The following BAIAP2 variants were observed in gnomAD, a reference collection of about 807,000 sequenced individuals.
The protein encoded by BAIAP2 is BAR/IMD domain containing adaptor protein 2.
BAIAP2 carries 18 observed loss-of-function variants against 63.0 expected under a neutral mutation model. The observed-to-expected ratio is 0.29, with a 90% CI of 0.20 to 0.42. The LOEUF is 0.42. Among genes scored for constraint, BAIAP2 ranks in the 10% least tolerant of loss-of-function variants. BAIAP2 has a pLI of 1.00. For missense variants in BAIAP2, 610 were observed against 734.3 expected, an observed-to-expected ratio of 0.83 and a Z score of 1.96; for synonymous variants, 386 against 307.6, an observed-to-expected ratio of 1.25 and a Z score of -2.67.
chr17:81,071,438 G>C (rs1346237665), intron 3 of BAIAP2, among the ~76,000 whole-genome samples: 1 of 152,230 alleles, frequency 6.6e-6, no homozygotes, highest in Non-Finnish European at 1.5e-5. Context: ...AAGCCACCAG[G>C]ATAATTGAGA....
intron 6 of BAIAP2, among the ~76,000 whole-genome samples, chr17:81,091,393 T>C (rs972291443): frequency 7.2e-5 from 11 of 152,084 alleles, no homozygotes; most frequent in Non-Finnish European, 1.5e-4. Context: ...TTCCCAGCTG[T>C]TCTACAGACC....
At chr17:81,051,164 C>T (rs546184457) in intron 1 of BAIAP2, among the ~76,000 whole-genome samples, 11 of 152,158 alleles carry the variant, frequency 7.2e-5, no homozygotes, top group East Asian at 5.9e-4. Context: ...TCAGTGCTAA[C>T]GCTGCTGTGC....
At chr17:81,070,644 C>T (rs1187933069) in intron 3 of BAIAP2, among the ~76,000 whole-genome samples, 2 of 152,146 alleles carry the variant, frequency 1.3e-5, no homozygotes, top group African/African-American at 4.8e-5. Context: ...TCGCTCAACC[C>T]GTGGGGAGAA....
chr17:81,061,893 A>G (rs1732513442), intron 3 of BAIAP2, among the ~76,000 whole-genome samples: 1 of 152,120 alleles, frequency 6.6e-6, no homozygotes, highest in East Asian at 1.9e-4. Context: ...CCAGGAATCT[A>G]TTTTGCACAT....
intron 7 of BAIAP2, among the ~76,000 whole-genome samples, chr17:81,102,353 C>T (rs987477581): frequency 6.6e-6 from 1 of 152,138 alleles, no homozygotes; most frequent in African/African-American, 2.4e-5. Context: ...AGTGCTGGTC[C>T]CTGCTGGCCT....
chr17:81,065,388 C>T (rs1171219517), intron 3 of BAIAP2, among the ~76,000 whole-genome samples: 2 of 152,222 alleles, frequency 1.3e-5, no homozygotes, highest in African/African-American at 4.8e-5. Context: ...GTGGCTCCTC[C>T]TCTGTTTTGG....
chr17:81,048,404 G>A (rs1473069927), intron 1 of BAIAP2, among the ~76,000 whole-genome samples: 11 of 151,218 alleles, frequency 7.3e-5, no homozygotes, highest in Non-Finnish European at 1.6e-4. Context: ...GACGGAAGGT[G>A]GACCCCAGCA....
At chr17:81,085,804 G>T (rs1426800559) in intron 5 of BAIAP2, 79 bp downstream of exon 5, 3 of 1,134,478 alleles carry the variant, frequency 2.6e-6, no homozygotes, top group South Asian at 2.7e-5. Flanking sequence ...TCCTTCCTCG[G>T]CCTGAAGGCT....
intron 6 of BAIAP2, among the ~76,000 whole-genome samples, chr17:81,091,263 C>T (rs933451600): frequency 6.8e-6 from 1 of 146,064 alleles, no homozygotes. Flanking sequence ...GGTCTACTGT[C>T]CTGGGGCCTA....
chr17:81,051,831 A>G (rs527524978), intron 1 of BAIAP2, among the ~76,000 whole-genome samples: 117 of 152,278 alleles, frequency 7.7e-4, no homozygotes, highest in African/African-American at 2.7e-3. Flanking sequence ...CTGGGACTAC[A>G]GGCATGCACC....
rs1464957338 is a variant in BAIAP2 at position 81,116,896 on chromosome 17, C to CAGTT, written c.*1058_*1061dup. ...CTGTAGAGTTGGCGGGCCAGGAGGG[C>CAGTT]AGTTGAGAGCTGGCCAGCGGAGGGT... is the stretch of plus-strand genomic sequence containing the variant. On this transcript the variant is annotated 3_prime_UTR_variant, in exon 14 of 14. Coordinates refer to ENST00000428708, the MANE Select transcript of BAIAP2 (RefSeq NM_001144888.2). The CAGTT allele has an allele frequency of 6.4e-6, 1 of 155,154 alleles. No homozygotes were observed. The highest frequency in any genetic ancestry group is 1.4e-5 in the Non-Finnish European group (1 of 69,634). 9.6% of individuals were successfully genotyped at this position (155,154 alleles called of 1,614,324 possible).
At chr17:81,104,179 A>AG in intron 9 of BAIAP2, 71 bp downstream of exon 9, 4 of 1,526,376 alleles carry the variant, frequency 2.6e-6, no homozygotes, top group East Asian at 2.3e-5. Context: ...GTCATGCCAC[A>AG]ACCCTCAATA....
intron 6 of BAIAP2, among the ~76,000 whole-genome samples, chr17:81,095,149 C>T (rs1213234996): frequency 6.6e-6 from 1 of 152,192 alleles, no homozygotes; most frequent in Non-Finnish European, 1.5e-5. Flanking sequence ...CGCCATGGCA[C>T]CCAGCTAAGC....
At chr17:81,050,357 C>CCTGCCCGCTGT (rs544212403) in intron 1 of BAIAP2, among the ~76,000 whole-genome samples, 20,232 of 152,174 alleles carry the variant, frequency 0.13, 1,405 homozygotes, top group Admixed American at 0.18. Context: ...GTGGCTGTTC[C>CCTGCCCGCTGT]CTGCCCGCTG....
At chr17:81,052,742 T>C (rs557472888) in intron 1 of BAIAP2, among the ~76,000 whole-genome samples, 1 of 152,222 alleles carries the variant, frequency 6.6e-6, no homozygotes, top group East Asian at 1.9e-4. Flanking sequence ...GGGGATGCAG[T>C]TGCCCTTCCC....
chr17:81,072,451 ACACTCGT>A (rs1359029307), intron 3 of BAIAP2, among the ~76,000 whole-genome samples: 1 of 152,130 alleles, frequency 6.6e-6, no homozygotes, highest in African/African-American at 2.4e-5. Flanking sequence ...TTTGACGCCC[ACACTCGT>A]CAGTTTCACC....
chr17:81,085,018 A>G, intron 4 of BAIAP2, 125 bp downstream of exon 4: 5 of 995,804 alleles, frequency 5.0e-6, no homozygotes, highest in South Asian at 4.0e-5. Flanking sequence ...GGAGGCAGGG[A>G]GGGACCCTGG....
At chr17:81,074,604 C>T (rs1024066803) in intron 3 of BAIAP2, among the ~76,000 whole-genome samples, 1 of 149,502 alleles carries the variant, frequency 6.7e-6, no homozygotes, top group East Asian at 2.0e-4. Flanking sequence ...TGTGTGCGTG[C>T]ACGGATGCGT....
chr17:81,057,776 A>G, intron 2 of BAIAP2, 105 bp from the exon 3 acceptor site: 2 of 1,449,506 alleles, frequency 1.4e-6, no homozygotes, highest in Non-Finnish European at 1.8e-6. Context: ...TTGTCTGGGC[A>G]GGAGACAGGG....
Sources: gnomAD v4.1 joint callset for allele counts (sites outside exome capture counted in the v4.1 genomes callset) on GRCh38, gnomAD v4.1.1 for gene constraint, MANE v1.5 for transcripts, NCBI Gene and HGNC (gene_info 2026-07-23, HGNC 2026-07-21) for gene names.